The following CYFIP2 variants were observed in gnomAD, a reference collection of about 807,000 sequenced individuals.
CYFIP2 encodes cytoplasmic FMR1-interacting protein 2.
CYFIP2 carries 29 observed loss-of-function variants against 158.7 expected under a neutral mutation model. The ratio of observed to expected loss-of-function variants is 0.18; its 90% CI spans 0.14 to 0.25. The LOEUF is 0.25. CYFIP2 is among the 10% of genes least tolerant of loss of function. The pLI, the probability that CYFIP2 is intolerant of heterozygous loss-of-function variation, is 1.00. For synonymous variants in CYFIP2, 585 were observed against 617.6 expected (o/e 0.95, Z 0.78); for missense variants, 852 against 1,639.5 (o/e 0.52, Z 8.29).
intron 23 of CYFIP2, among the ~76,000 whole-genome samples, chr5:157,343,964 C>T (rs763797719): frequency 1.3e-5 from 2 of 152,220 alleles, no homozygotes; most frequent in African/African-American, 2.4e-5. Context: ...TGATTCACCT[C>T]AATTTTCCTT....
At chr5:157,297,830 A>G (rs1412129773) in intron 5 of CYFIP2, among the ~76,000 whole-genome samples, 7 of 152,258 alleles carry the variant, frequency 4.6e-5, no homozygotes, top group East Asian at 1.9e-4. Context: ...GGTAGGTTGA[A>G]AAAAAATAAA....
At chr5:157,369,002 G>A (rs1214799632) in intron 26 of CYFIP2, among the ~76,000 whole-genome samples, 9 of 151,522 alleles carry the variant, frequency 5.9e-5, no homozygotes, top group South Asian at 4.2e-4. Flanking sequence ...GGGTTCAAGC[G>A]ATTCTCATCC....
chr5:157,313,885 C>T (rs1272843861), intron 11 of CYFIP2, among the ~76,000 whole-genome samples: 1 of 152,032 alleles, frequency 6.6e-6, no homozygotes, highest in African/African-American at 2.4e-5. Flanking sequence ...TAAATATAGA[C>T]TAGAAAATCA....
chr5:157,391,345 A>C (rs1426826069), intron 30 of CYFIP2, among the ~76,000 whole-genome samples: 1 of 152,222 alleles, frequency 6.6e-6, no homozygotes, highest in Non-Finnish European at 1.5e-5. Flanking sequence ...TATATGATTC[A>C]GTGGCATGAA....
At chr5:157,297,164 G>C (rs1218143111) in intron 5 of CYFIP2, among the ~76,000 whole-genome samples, 1 of 152,240 alleles carries the variant, frequency 6.6e-6, no homozygotes, top group Admixed American at 6.5e-5. Flanking sequence ...AGGCTGACGT[G>C]TGATGACCAG....
In CYFIP2 at chr5:157,326,174, T is replaced by C. The variant is rs1761006298; in HGVS notation, c.1986T>C (p.Tyr662=). ...LETKEPSMME[Y]VLYPLDLYND... is the part of the protein sequence containing the mutation. ...GGCTGTGTTTTTCCCTCTTCAGGTA[T>C]GTCCTCTACCCTCTGGATCTGTACA... is the stretch of plus-strand genomic sequence containing the variant. Residue 662 remains tyrosine (Y), a synonymous_variant, in exon 18 of 31, where the codon TAT becomes TAC. Coordinates refer to ENST00000620254, the MANE Select transcript of CYFIP2 (RefSeq NM_001037333.3). The C allele has an allele frequency of 6.2e-7, 1 of 1,613,122 alleles. No homozygotes were observed.
intron 1 of CYFIP2, chr5:157,269,452 A>G (rs1373018565): frequency 6.6e-6 from 1 of 152,220 alleles, no homozygotes; most frequent in Non-Finnish European, 1.5e-5. Flanking sequence ...CACAGTGAGC[A>G]TGGGACACAG....
intron 26 of CYFIP2, chr5:157,375,602 C>T (rs1765385183): frequency 1.3e-5 from 2 of 151,086 alleles, no homozygotes; most frequent in Non-Finnish European, 2.9e-5. Flanking sequence ...GACCCAAATT[C>T]ATAAATTTTC....
At chr5:157,348,777 T>G (rs1235880244) in intron 23 of CYFIP2, among the ~76,000 whole-genome samples, 1 of 152,068 alleles carries the variant, frequency 6.6e-6, no homozygotes, top group African/African-American at 2.4e-5. Context: ...GGCTTTCCCA[T>G]GGCATTCAGT....
chr5:157,281,394 G>A (rs1756975552), intron 1 of CYFIP2, among the ~76,000 whole-genome samples: 1 of 152,146 alleles, frequency 6.6e-6, no homozygotes, highest in Non-Finnish European at 1.5e-5. Flanking sequence ...TTTATGGAAA[G>A]AAACATCCAT....
intron 28 of CYFIP2, 104 bp from the exon 29 acceptor site, chr5:157,389,085 C>G (rs1376518134): frequency 3.5e-6 from 4 of 1,137,604 alleles, no homozygotes; most frequent in Non-Finnish European, 5.0e-6. Flanking sequence ...TCTGGTGAAC[C>G]AATTTCAGGT....
Position 157,284,883 on chromosome 5 carries a change from C to T in CYFIP2, c.-23-456C>T, listed in dbSNP as rs17054419. Among the ~76,000 whole-genome samples the T allele has an allele frequency of 5.4e-3, 829 of 152,300 alleles. 11 individuals are homozygous for T. Among genetic ancestry groups the T allele is most frequent in the African/African-American group, 0.019 (783 of 41,538 alleles). On this transcript the variant is annotated intron_variant, in intron 1 of 30. Transcript: ENST00000620254. ...TTTCAGTTGATTATCTTGGCTGTCA[C>T]GATCCTGGATAATTGTATTGCATGG...
intron 26 of CYFIP2, among the ~76,000 whole-genome samples, chr5:157,366,403 G>A (rs373388893): frequency 1.3e-5 from 2 of 152,120 alleles, no homozygotes; most frequent in Admixed American, 6.5e-5. Flanking sequence ...TTTCCCTTAC[G>A]GTTTTGTGAT....
chr5:157,377,386 C>T (rs1048479802), intron 26 of CYFIP2, among the ~76,000 whole-genome samples: 1 of 151,958 alleles, frequency 6.6e-6, no homozygotes, highest in African/African-American at 2.4e-5. Context: ...AGGTACTGTT[C>T]CCCCTTAGCT....
chr5:157,393,609 A>G lies in CYFIP2; in HGVS notation c.*609A>G, dbSNP rs1767521377. 1 of 152,442 alleles carries G rather than the reference A, an allele frequency of 6.6e-6. No homozygotes were observed. The highest frequency in any genetic ancestry group is 2.4e-5 in the African/African-American group (1 of 41,404). 9.4% of individuals were successfully genotyped at this position (152,442 alleles called of 1,614,324 possible). On this transcript the variant is annotated 3_prime_UTR_variant, in exon 31 of 31. Coordinates refer to ENST00000620254, the MANE Select transcript of CYFIP2 (RefSeq NM_001037333.3). ...TCAGGGAAGCCCTAGAGAGAGGTCC[A>G]AAAAGCATTCACAGCTGTATCACAC...
chr5:157,378,001 A>G (rs1421395917), intron 26 of CYFIP2, among the ~76,000 whole-genome samples: 3 of 152,212 alleles, frequency 2.0e-5, no homozygotes, highest in Non-Finnish European at 4.4e-5. Context: ...TAAGTTTTTA[A>G]AAAGCAAAGG....
intron 30 of CYFIP2, among the ~76,000 whole-genome samples, 172 bp from the exon 31 acceptor site, chr5:157,392,661 C>T (rs12518740): frequency 0.54 from 81,930 of 151,970 alleles, 22,940 homozygotes; most frequent in East Asian, 0.97. Flanking sequence ...AGGGTTTTTA[C>T]GGTCCAGTTA....
At position 157,393,211 on chromosome 5, in the gene CYFIP2, A is replaced by G. The variant is rs1187994845; in HGVS notation, c.*211A>G. ...TGGTTTCTCCATAGCATAAATGAAA[A>G]AAAAAAAAAAAAAGTAAACAGGGCA... On this transcript the variant is annotated 3_prime_UTR_variant, in exon 31 of 31. Coordinates refer to ENST00000620254, the MANE Select transcript of CYFIP2 (RefSeq NM_001037333.3). The G allele has an allele frequency of 7.5e-6, 3 of 397,420 alleles. No homozygotes were observed. Among genetic ancestry groups the G allele is most frequent in the Middle Eastern group, 6.7e-4 (1 of 1,500 alleles). The allele number at this position is 397,420 out of a possible 1,614,324, so 24.6% of individuals were successfully genotyped here.
intron 25 of CYFIP2, among the ~76,000 whole-genome samples, chr5:157,360,943 T>C (rs1210035465): frequency 6.6e-6 from 1 of 152,296 alleles, no homozygotes; most frequent in East Asian, 1.9e-4. Context: ...TGATTCACAA[T>C]AGGAAAAAGA....
Sources: allele counts gnomAD v4.1 joint callset (sites outside exome capture counted in the v4.1 genomes callset), GRCh38; gene constraint gnomAD v4.1.1; transcripts MANE v1.5; gene names NCBI Gene and HGNC (gene_info 2026-07-23, HGNC 2026-07-21).